ABTB3: variants seen among roughly 807,000 people sequenced by gnomAD.
ABTB3 encodes the protein ankyrin repeat- and BTB/POZ domain-containing protein 3.
chr12:107,447,438 G>A, the ABTB3 span, among the ~76,000 whole-genome samples: 3 of 152,142 alleles, frequency 2.0e-5, no homozygotes, highest in Admixed American at 1.3e-4. Flanking sequence ...TACCTTGCCT[G>A]GCTGATTGAC....
chr12:107,331,622 G>A, the ABTB3 span, among the ~76,000 whole-genome samples: 1 of 152,142 alleles, frequency 6.6e-6, no homozygotes, highest in Non-Finnish European at 1.5e-5. Context: ...GGATGGGGTG[G>A]GTAAGAGTGT....
chr12:107,320,144 C>T, the ABTB3 span: 2 of 1,357,522 alleles, frequency 1.5e-6, no homozygotes, highest in African/African-American at 1.5e-5. Context: ...GTTTGCCTCG[C>T]GTCCCCCTCC....
chr12:107,574,357 CTGTAGGTCA>C, the ABTB3 span, among the ~76,000 whole-genome samples: 1 of 152,246 alleles, frequency 6.6e-6, no homozygotes, highest in Non-Finnish European at 1.5e-5. Flanking sequence ...TCATGATTCT[CTGTAGGTCA>C]TGGTTACTCA....
chr12:107,650,047 A>C, the ABTB3 span: 1 of 137,572 alleles, frequency 7.3e-6, no homozygotes, highest in Non-Finnish European at 1.6e-5. Flanking sequence ...GATCTCGGTC[A>C]GTTATCTGAC....
the ABTB3 span, among the ~76,000 whole-genome samples, chr12:107,359,876 C>T: frequency 7.2e-5 from 11 of 152,156 alleles, no homozygotes; most frequent in Admixed American, 7.2e-4. Context: ...CGTCAGCTGC[C>T]AGCCTATGGT....
chr12:107,583,848 C>G, the ABTB3 span, among the ~76,000 whole-genome samples: 6 of 152,188 alleles, frequency 3.9e-5, no homozygotes, highest in African/African-American at 1.4e-4. Flanking sequence ...AGTCCCTGGG[C>G]TCTTTTTAAT....
At chr12:107,415,238 C>T in the ABTB3 span, among the ~76,000 whole-genome samples, 1 of 152,128 alleles carries the variant, frequency 6.6e-6, no homozygotes, top group Non-Finnish European at 1.5e-5. Flanking sequence ...AAACTGAGAT[C>T]AGACATCACC....
the ABTB3 span, among the ~76,000 whole-genome samples, chr12:107,585,570 A>T: frequency 1.2e-4 from 18 of 152,262 alleles, no homozygotes; most frequent in Non-Finnish European, 2.5e-4. Context: ...GGGCTGGGGA[A>T]ACTTGGCGGG....
the ABTB3 span, among the ~76,000 whole-genome samples, chr12:107,327,507 C>A: frequency 6.6e-6 from 1 of 152,200 alleles, no homozygotes; most frequent in African/African-American, 2.4e-5. Context: ...TTCTCTTTCC[C>A]TAGTACCTTA....
chr12:107,357,788 C>T, the ABTB3 span, among the ~76,000 whole-genome samples: 2 of 152,364 alleles, frequency 1.3e-5, no homozygotes, highest in East Asian at 3.9e-4. Context: ...TCCACTCAGA[C>T]TACATGTGCT....
At chr12:107,589,566 A>G in the ABTB3 span, among the ~76,000 whole-genome samples, 1 of 152,242 alleles carries the variant, frequency 6.6e-6, no homozygotes, top group African/African-American at 2.4e-5. Context: ...GCAACCAGAG[A>G]GGGGCTCACT....
At chr12:107,409,504 A>G in the ABTB3 span, among the ~76,000 whole-genome samples, 1 of 152,352 alleles carries the variant, frequency 6.6e-6, no homozygotes, top group African/African-American at 2.4e-5. Flanking sequence ...GAATATATAC[A>G]CCATGGAATA....
the ABTB3 span, among the ~76,000 whole-genome samples, chr12:107,358,935 TAA>T: frequency 6.6e-6 from 1 of 152,168 alleles, no homozygotes; most frequent in Non-Finnish European, 1.5e-5. Context: ...TGAAACCCAC[TAA>T]AATGTGGGAG....
chr12:107,654,826 A>ACACACACACG, the ABTB3 span, among the ~76,000 whole-genome samples: 1 of 140,586 alleles, frequency 7.1e-6, no homozygotes, highest in African/African-American at 2.8e-5. Flanking sequence ...ACACACACAC[A>ACACACACACG]CACACACACA....
the ABTB3 span, among the ~76,000 whole-genome samples, chr12:107,418,801 C>T: frequency 1.5e-3 from 223 of 152,302 alleles, 1 homozygote; most frequent in Middle Eastern, 0.017. Context: ...TGATTTAGAG[C>T]AGTTTTCCAA....
chr12:107,654,380 C>T, the ABTB3 span, among the ~76,000 whole-genome samples: 29 of 152,242 alleles, frequency 1.9e-4, no homozygotes, highest in Admixed American at 2.0e-4. Context: ...CTCACTGTAA[C>T]CTTTGCCTCC....
chr12:107,469,980 CTTTCTTTCTTTCTTTCTTTCTTTCTT>C, the ABTB3 span, among the ~76,000 whole-genome samples: 251 of 81,328 alleles, frequency 3.1e-3, 21 homozygotes, highest in African/African-American at 0.018. Context: ...TTCTTTCTTT[CTTTCTTTCTTTCTTTCTTTCTTTCTT>C]TCTTTCTCTC....
chr12:107,577,036 C>T, the ABTB3 span, among the ~76,000 whole-genome samples: 1 of 152,190 alleles, frequency 6.6e-6, no homozygotes, highest in African/African-American at 2.4e-5. Flanking sequence ...AAGAACTGAA[C>T]AGGCTAATGG....
chr12:107,609,950 G>A, the ABTB3 span: 5 of 522,704 alleles, frequency 9.6e-6, no homozygotes. Context: ...ATACGTATTA[G>A]TCGTTATGTG....
Sources: gnomAD v4.1 joint callset for allele counts (sites outside exome capture counted in the v4.1 genomes callset) on GRCh38, gnomAD v4.1.1 for gene constraint, MANE v1.5 for transcripts, NCBI Gene and HGNC (gene_info 2026-07-23, HGNC 2026-07-21) for gene names.